The following LUZP1 variants were observed in gnomAD, a reference collection of about 807,000 sequenced individuals.
LUZP1 encodes leucine zipper protein 1, also known as filamin mechanobinding actin cross-linking protein.
A neutral mutation model predicts 71.3 loss-of-function variants in LUZP1; 25 were observed. The observed-to-expected ratio is 0.35, with a 90% CI of 0.26 to 0.49. LUZP1 has a LOEUF of 0.49. Ranked by LOEUF, LUZP1 falls within the 20% of genes least tolerant of loss-of-function variation. The probability of loss-of-function intolerance (pLI) is 0.99; values close to 1 mark genes in which losing one functional copy is unlikely to be tolerated. For missense variants in LUZP1, 1,142 were observed against 1,300.8 expected, an observed-to-expected ratio of 0.88 and a Z score of 1.88; for synonymous variants, 481 against 506.4, an observed-to-expected ratio of 0.95 and a Z score of 0.67.
intron 2 of LUZP1, among the ~76,000 whole-genome samples, chr1:23,117,998 G>A (rs552842425): frequency 1.3e-5 from 2 of 152,158 alleles, no homozygotes; most frequent in South Asian, 4.2e-4. Flanking sequence ...GCTGAGGCAG[G>A]AGACTTGCTT....
chr1:23,119,309 G>A (rs1054207933), intron 2 of LUZP1, among the ~76,000 whole-genome samples: 7 of 127,360 alleles, frequency 5.5e-5, no homozygotes, highest in Non-Finnish European at 9.3e-5. Context: ...CCCAGGCTAC[G>A]GTGAAGTGGC....
At chr1:23,152,616 T>G (rs992844313) in intron 2 of LUZP1, among the ~76,000 whole-genome samples, 1 of 152,098 alleles carries the variant, frequency 6.6e-6, no homozygotes, top group African/African-American at 2.4e-5. Flanking sequence ...CTGCAACCTC[T>G]GCCCCCTGGG....
At chr1:23,100,561 T>C (rs751763536) in intron 3 of LUZP1, among the ~76,000 whole-genome samples, 21 of 152,344 alleles carry the variant, frequency 1.4e-4, no homozygotes, top group Non-Finnish European at 2.2e-4. Flanking sequence ...GACCAAATGT[T>C]GGAGAAGTAG....
At chr1:23,164,715 C>T (rs766316829) in intron 2 of LUZP1, among the ~76,000 whole-genome samples, 88 of 152,188 alleles carry the variant, frequency 5.8e-4, no homozygotes, top group Non-Finnish European at 9.1e-4. Context: ...ACAATTGCTA[C>T]CTAATGTATT....
chr1:23,170,853 A>G (rs1428644564), intron 1 of LUZP1, among the ~76,000 whole-genome samples: 1 of 151,132 alleles, frequency 6.6e-6, no homozygotes, highest in African/African-American at 2.4e-5. Flanking sequence ...GGATCACTTG[A>G]GTCCAGGGGG....
chr1:23,133,840 C>T (rs77093077), intron 2 of LUZP1, among the ~76,000 whole-genome samples: 11 of 152,044 alleles, frequency 7.2e-5, no homozygotes, highest in African/African-American at 1.7e-4. Context: ...CAGTACAACA[C>T]AAGGGGAAGT....
chr1:23,088,962 G>C, exon 5 of LUZP1: 1 of 1,614,192 alleles, frequency 6.2e-7, no homozygotes, highest in Non-Finnish European at 8.5e-7. Context: ...CCCAGACTCT[G>C]GCAGCCCCTG....
At chr1:23,150,385 G>A (rs1644374584) in intron 2 of LUZP1, among the ~76,000 whole-genome samples, 1 of 152,156 alleles carries the variant, frequency 6.6e-6, no homozygotes, top group Non-Finnish European at 1.5e-5. Flanking sequence ...CTCGTCCAAG[G>A]AGTTGCAGAG....
chr1:23,106,494 T>C (rs1643983198), intron 3 of LUZP1, among the ~76,000 whole-genome samples: 1 of 151,866 alleles, frequency 6.6e-6, no homozygotes, highest in East Asian at 1.9e-4. Flanking sequence ...AGTCCCAGCT[T>C]CTCAGGAGGC....
chr1:23,147,612 C>CAAAAAAAAAA (rs774893320), intron 2 of LUZP1, among the ~76,000 whole-genome samples: 1 of 61,470 alleles, frequency 1.6e-5, no homozygotes, highest in Non-Finnish European at 2.9e-5. Flanking sequence ...AGTCTCTACC[C>CAAAAAAAAAA]AAAAAAAAAA....
chr1:23,084,451 G>GTGAT (rs375989372), exon 5 of LUZP1: 143 of 151,980 alleles, frequency 9.4e-4, no homozygotes, highest in African/African-American at 3.3e-3. Context: ...GATACTACCT[G>GTGAT]TGATTACATT....
intron 2 of LUZP1, among the ~76,000 whole-genome samples, chr1:23,148,285 A>G (rs1251399533): frequency 6.6e-6 from 1 of 152,130 alleles, no homozygotes; most frequent in Non-Finnish European, 1.5e-5. Context: ...AAACATCTGA[A>G]AATAGTGAAT....
chr1:23,132,218 G>C (rs938374050), intron 2 of LUZP1, among the ~76,000 whole-genome samples: 3 of 152,096 alleles, frequency 2.0e-5, no homozygotes, highest in African/African-American at 7.2e-5. Context: ...CCATGAGTCA[G>C]GCAGTGAGCT....
chr1:23,161,579 C>A (rs973467997), intron 2 of LUZP1, among the ~76,000 whole-genome samples: 1 of 152,002 alleles, frequency 6.6e-6, no homozygotes, highest in African/African-American at 2.4e-5. Context: ...TATTGTAAGA[C>A]CCCATCTCTA....
intron 3 of LUZP1, among the ~76,000 whole-genome samples, chr1:23,098,828 G>A (rs1310914739): frequency 7.2e-5 from 11 of 152,146 alleles, no homozygotes; most frequent in Admixed American, 7.2e-4. Context: ...CTGAAATTGG[G>A]CCTGGAGGAG....
intron 2 of LUZP1, among the ~76,000 whole-genome samples, chr1:23,162,013 G>A (rs1644470364): frequency 2.0e-5 from 2 of 101,356 alleles, no homozygotes; most frequent in South Asian, 3.8e-4. Context: ...GCGACAGAAC[G>A]AGACTGTCTC....
Position 23,109,045 on chromosome 1 carries a change from G to A in LUZP1, c.-143C>T, listed in dbSNP as rs16827981. On this transcript the variant is annotated 5_prime_UTR_variant, in exon 3 of 5. In the 5' UTR this introduces an upstream ATG that the reference lacks. Coordinates refer to ENST00000302291, the Ensembl canonical transcript of LUZP1. ...ACCATGTAGGTAATTCAAGCTTTCC[G>A]TCAATACTTCCGGCGGCTCTCCCTA... 26,713 of 152,172 alleles carry A rather than the reference G, an allele frequency of 0.18. 2,474 individuals carry two copies. Among genetic ancestry groups the A allele is most frequent in the Middle Eastern group, 0.3 (89 of 294 alleles). The allele number at this position is 152,172 out of a possible 1,614,324, so 9.4% of individuals were successfully genotyped here. A position where few individuals can be genotyped will look rare whatever the true frequency, so the allele number is the denominator to read the frequency against.
In LUZP1 at chr1:23,094,210, A is replaced by T; in HGVS notation, c.52T>A (p.Phe18Ile). The T allele has an allele frequency of 6.2e-7, 1 of 1,612,588 alleles. No individual in the cohort carries two copies. The change falls in exon 4 of 5, where the codon TTT (phenylalanine) becomes ATT (isoleucine). Residue 18 changes from phenylalanine to isoleucine, a missense_variant. Physicochemically the swap from Phe to Ile is conservative, Grantham distance 21. Transcript: ENST00000302291. The surrounding 1 kb of genome is among the most constrained non-coding windows in gnomAD (Gnocchi z 4.7). ...CGGCGGCTTAGACTCTGTAGCTTAA[A>T]CCGCAAGTGGCGGCTGGAGGCCGTC...
chr1:23,101,184 A>G (rs1643928623), intron 3 of LUZP1, among the ~76,000 whole-genome samples: 1 of 152,218 alleles, frequency 6.6e-6, no homozygotes. Flanking sequence ...GGAATCTCAG[A>G]TCATTTACTT....
Sources: allele counts gnomAD v4.1 joint callset (sites outside exome capture counted in the v4.1 genomes callset), GRCh38; gene constraint gnomAD v4.1.1; non-coding constraint Gnocchi (gnomAD v3.1); transcripts MANE v1.5; gene names NCBI Gene and HGNC (gene_info 2026-07-23, HGNC 2026-07-21).